Variants in PIEZO2 observed in about 807,000 individuals in gnomAD.
The protein encoded by PIEZO2 is piezo-type mechanosensitive ion channel component 2.
PIEZO2 carries 172 observed loss-of-function variants against 337.3 expected under a neutral mutation model. The ratio of observed to expected loss-of-function variants is 0.51; its 90% confidence interval spans 0.45 to 0.58. PIEZO2 has a LOEUF of 0.58. PIEZO2 is among the 20% of genes least tolerant of loss of function. The pLI is 0.00. For missense variants in PIEZO2, 3,028 were observed against 3,391.3 expected (o/e 0.89, Z 2.66); for synonymous variants, 1,251 against 1,228.5 (o/e 1.02, Z -0.38).
intron 51 of PIEZO2, among the ~76,000 whole-genome samples, chr18:10,680,604 C>T (rs2034222119): frequency 6.6e-6 from 1 of 152,208 alleles, no homozygotes; most frequent in African/African-American, 2.4e-5. Flanking sequence ...ACCATCAATA[C>T]AGCTATGGAA....
Position 10,767,496 on chromosome 18 carries a change from T to G in PIEZO2, c.2946+2652A>C, listed in dbSNP as rs753513781. Among the ~76,000 whole-genome samples, 15 of 148,466 alleles carry G rather than the reference T, an allele frequency of 1.0e-4. No individual in the cohort carries two copies. Among genetic ancestry groups the G allele is most frequent in the Non-Finnish European group, 2.3e-4 (15 of 66,478 alleles). ...GTCCCCCAAGCCCCCAGTGCCAAGA[T>G]GATGGGGCAGGTGGGGATGCAGGGA... On this transcript the variant is annotated intron_variant, in intron 21 of 55. Coordinates refer to ENST00000674853, the MANE Select transcript of PIEZO2 (RefSeq NM_001378183.1). This position sits in a 1 kb window ranked among gnomAD's most constrained non-coding sequence, Gnocchi z 4.2.
intron 2 of PIEZO2, among the ~76,000 whole-genome samples, chr18:11,026,555 C>T (rs1260731263): frequency 1.3e-5 from 2 of 152,182 alleles, no homozygotes; most frequent in Non-Finnish European, 2.9e-5. Flanking sequence ...GGTGCTGATG[C>T]CGATGCACTG....
chr18:10,703,316 A>C (rs2035420541), intron 42 of PIEZO2, among the ~76,000 whole-genome samples: 1 of 152,228 alleles, frequency 6.6e-6, no homozygotes, highest in African/African-American at 2.4e-5. Flanking sequence ...AAGTGATGTA[A>C]TGAAAGTAAA....
chr18:10,881,959 C>T (rs2144857017), intron 4 of PIEZO2, among the ~76,000 whole-genome samples: 1 of 152,292 alleles, frequency 6.6e-6, no homozygotes, highest in African/African-American at 2.4e-5. Context: ...CTCATCATCC[C>T]AGGACAGTGA....
intron 27 of PIEZO2, among the ~76,000 whole-genome samples, chr18:10,756,718 T>G (rs2037872559): frequency 7.7e-6 from 1 of 129,738 alleles, no homozygotes; most frequent in African/African-American, 3.0e-5. Flanking sequence ...TGAGGAGGGA[T>G]GGGGATAAAG....
intron 1 of PIEZO2, among the ~76,000 whole-genome samples, chr18:11,095,408 T>A (rs915667889): frequency 1.3e-4 from 20 of 152,160 alleles, no homozygotes; most frequent in Non-Finnish European, 5.9e-5. Context: ...AGAGACCCTA[T>A]GCACTACACT....
At chr18:11,044,185 T>A (rs2037221954) in intron 2 of PIEZO2, among the ~76,000 whole-genome samples, 1 of 149,448 alleles carries the variant, frequency 6.7e-6, no homozygotes, top group African/African-American at 2.4e-5. Flanking sequence ...ACACACACAC[T>A]AATATAATAT....
chr18:10,926,406 T>G (rs1432980064), intron 3 of PIEZO2, among the ~76,000 whole-genome samples: 3 of 152,152 alleles, frequency 2.0e-5, no homozygotes, highest in Non-Finnish European at 4.4e-5. Flanking sequence ...CACTAGTGGG[T>G]GGAACATATT....
rs778781827 is a variant in PIEZO2 at position 10,741,207 on chromosome 18, G to C, written c.4637-105C>G. 7 of 962,316 alleles carry C rather than the reference G, an allele frequency of 7.3e-6. No individual in the cohort carries two copies. The African/African-American group carries it at 9.9e-5, about 14-fold the overall frequency. 59.6% of individuals were successfully genotyped at this position (962,316 alleles called of 1,614,324 possible). On this transcript the variant is annotated intron_variant, in intron 32 of 55. Transcript: ENST00000674853. Reference sequence around the variant, plus strand: ...TGTCAAATCTAGGTAAATTGCAAAAGTATATCAGAGGTCAGGTAAAGGAAC... The same window carrying C: ...TGTCAAATCTAGGTAAATTGCAAAACTATATCAGAGGTCAGGTAAAGGAAC...
intron 20 of PIEZO2, among the ~76,000 whole-genome samples, chr18:10,771,133 A>C (rs1815932367): frequency 1.3e-5 from 2 of 152,240 alleles, no homozygotes; most frequent in Non-Finnish European, 2.9e-5. Context: ...TTCTTGCCAC[A>C]ACGGCACTTT....
At position 10,731,407 on chromosome 18, in the gene PIEZO2, C is replaced by A. The variant is rs763356323; in HGVS notation, c.5029G>T (p.Gly1677Cys). The A allele has an allele frequency of 2.0e-6, 3 of 1,532,014 alleles. No individual in the cohort carries two copies. In the South Asian group the frequency reaches 3.6e-5, roughly 18 times the overall value. 94.9% of individuals were successfully genotyped at this position (1,532,014 alleles called of 1,614,324 possible). Reference protein sequence around the residue: ...RKRRRKGSKEGPVEWEDREDE... With the variant: ...RKRRRKGSKECPVEWEDREDE... ...CACAGCCACCCCACCCACCACTCAC[C>A]CTCCTTGGATCCTTTCCGCCTTCGT... The change falls in exon 36 of 56, where the codon GGT (glycine) becomes TGT (cysteine). Residue 1677 changes from glycine (G) to cysteine (C), a missense_variant and splice_region_variant. By Grantham distance (159) the Gly-to-Cys change is radical. Coordinates refer to ENST00000674853, the MANE Select transcript of PIEZO2 (RefSeq NM_001378183.1).
intron 4 of PIEZO2, among the ~76,000 whole-genome samples, chr18:10,906,292 TG>T (rs1348082360): frequency 1.7e-4 from 26 of 152,214 alleles, no homozygotes; most frequent in Admixed American, 1.3e-4. Context: ...TAAGGTAATC[TG>T]AAGTAATGTT....
chr18:11,044,357 C>T (rs189020403), intron 2 of PIEZO2, among the ~76,000 whole-genome samples: 121 of 152,226 alleles, frequency 7.9e-4, no homozygotes, highest in African/African-American at 2.8e-3. Flanking sequence ...CGCTTCTTTG[C>T]ACCTGTAAGG....
rs1276683489 is a variant in PIEZO2 at position 10,726,898 on chromosome 18, C to A, written c.5029+4509G>T. On this transcript the variant is annotated intron_variant, in intron 36 of 55. Transcript: ENST00000674853. The surrounding 1 kb of genome is among the most constrained non-coding windows in gnomAD (Gnocchi z 5.9). ...GCTGAAGCACATCATGGCCACCAACCGGCTGGATGTGGCGGAGCTGGGTCG... is the reference window on the plus strand; with the variant it reads ...GCTGAAGCACATCATGGCCACCAACAGGCTGGATGTGGCGGAGCTGGGTCG... 1.3e-6 allele frequency: 2 copies of A among 1,590,982 alleles called. No homozygotes were observed. Among genetic ancestry groups the A allele is most frequent in the Non-Finnish European group, 1.7e-6 (2 of 1,164,992 alleles).
At position 10,721,180 on chromosome 18, in the gene PIEZO2, C is replaced by T. The variant is rs190511376; in HGVS notation, c.5030-2921G>A. On this transcript the variant is annotated intron_variant, in intron 36 of 55. Coordinates refer to ENST00000674853, the MANE Select transcript of PIEZO2 (RefSeq NM_001378183.1). The stretch of plus-strand genomic sequence containing the variant: ...ACTCACTGAATGGCTGTGTGACCTC[C>T]GGCAAGTTGCTTCATTCTCTGGGAC... Among the ~76,000 whole-genome samples, 16 of 152,292 alleles carry T rather than the reference C, an allele frequency of 1.1e-4. No individual in the cohort carries two copies. In the East Asian group the frequency reaches 3.1e-3, roughly 29 times the overall value.
intron 1 of PIEZO2, among the ~76,000 whole-genome samples, chr18:11,113,348 C>G (rs555479979): frequency 2.0e-5 from 3 of 152,294 alleles, no homozygotes; most frequent in African/African-American, 7.2e-5. Context: ...TTTCCATTGA[C>G]CAACCTGGAC....
intron 1 of PIEZO2, among the ~76,000 whole-genome samples, chr18:11,135,989 A>G (rs1568405339): frequency 6.6e-6 from 1 of 152,208 alleles, no homozygotes; most frequent in Non-Finnish European, 1.5e-5. Flanking sequence ...GTTTTCTCCT[A>G]AGTAATAAGT....
At chr18:10,914,768 C>G (rs2030797470) in intron 3 of PIEZO2, among the ~76,000 whole-genome samples, 1 of 151,988 alleles carries the variant, frequency 6.6e-6, no homozygotes, top group African/African-American at 2.4e-5. Context: ...CTTTGTAGAT[C>G]CAGTATCCGG....
chr18:10,997,351 G>T (rs956153344), intron 2 of PIEZO2, among the ~76,000 whole-genome samples: 1 of 151,858 alleles, frequency 6.6e-6, no homozygotes, highest in African/African-American at 2.4e-5. Flanking sequence ...AAATGTCAAG[G>T]ATATAATCCC....
Sources: allele counts gnomAD v4.1 joint callset (sites outside exome capture counted in the v4.1 genomes callset), GRCh38; gene constraint gnomAD v4.1.1; non-coding constraint Gnocchi (gnomAD v3.1); transcripts MANE v1.5; gene names NCBI Gene and HGNC (gene_info 2026-07-23, HGNC 2026-07-21).